KCNMA1: variants seen among roughly 807,000 people sequenced by gnomAD.
KCNMA1 encodes the protein Calcium-activated potassium channel subunit alpha-1.
Under a neutral mutation model 140.0 loss-of-function variants are expected in KCNMA1, and 29 were observed. The observed-to-expected ratio is 0.21, with a 90% CI of 0.15 to 0.28. The LOEUF is 0.28. Ranked by LOEUF, KCNMA1 falls within the 10% of genes least tolerant of loss-of-function variation. The pLI is 1.00. For synonymous variants in KCNMA1, 612 were observed against 611.9 expected, an observed-to-expected ratio of 1.00 and a Z score of 0.00; for missense variants, 880 against 1,602.2, an observed-to-expected ratio of 0.55 and a Z score of 7.70.
intron 1 of KCNMA1, among the ~76,000 whole-genome samples, chr10:77,611,568 A>G (rs1234903434): frequency 6.6e-6 from 1 of 152,226 alleles, no homozygotes; most frequent in Non-Finnish European, 1.5e-5. Context: ...TCACTGATTC[A>G]GCTACGTAAA....
At chr10:77,348,698 T>G (rs1006215598) in intron 2 of KCNMA1, among the ~76,000 whole-genome samples, 1 of 152,236 alleles carries the variant, frequency 6.6e-6, no homozygotes, top group Non-Finnish European at 1.5e-5. Context: ...CTGATAAGTA[T>G]GAAAAACAGA....
rs547107993 is a variant in KCNMA1 at position 77,576,064 on chromosome 10, A to G, written c.378+61201T>C. 2.0e-5 allele frequency among the ~76,000 whole-genome samples: 3 copies of G among 152,328 alleles called. No individual in the cohort carries two copies. The South Asian group carries it at 6.2e-4, about 32-fold the overall frequency. On this transcript the variant is annotated intron_variant, in intron 1 of 27. Transcript: ENST00000286628. ...CTCCTGGCTTGAGAAGCTCTGTTCT[A>G]GAATAGCACTCCTCAGTCTTCTGTG... is the stretch of plus-strand genomic sequence containing the variant.
chr10:76,998,713 AACTTG>A (rs1475641428), intron 19 of KCNMA1, among the ~76,000 whole-genome samples: 14 of 152,274 alleles, frequency 9.2e-5, no homozygotes, highest in Middle Eastern at 3.4e-3. Context: ...CTCTTGAGTC[AACTTG>A]CTCTGTCAAA....
chr10:77,561,613 A>T (rs1567557298), intron 1 of KCNMA1, among the ~76,000 whole-genome samples: 1 of 152,164 alleles, frequency 6.6e-6, no homozygotes, highest in Non-Finnish European at 1.5e-5. Flanking sequence ...CTCCACCCAG[A>T]AGCTCTCCAC....
chr10:77,293,834 C>T (rs2074116548), intron 2 of KCNMA1, among the ~76,000 whole-genome samples: 1 of 152,244 alleles, frequency 6.6e-6, no homozygotes, highest in Non-Finnish European at 1.5e-5. Flanking sequence ...CAAAATGCGA[C>T]TAATCTGGCA....
chr10:77,179,031 G>A (rs2098779541), intron 5 of KCNMA1, among the ~76,000 whole-genome samples: 1 of 152,148 alleles, frequency 6.6e-6, no homozygotes, highest in African/African-American at 2.4e-5. Flanking sequence ...GTTTTCTCCT[G>A]CGGTGCTTTA....
downstream of KCNMA1, among the ~76,000 whole-genome samples, chr10:76,881,503 C>T (rs982905436): frequency 6.6e-6 from 1 of 152,176 alleles, no homozygotes; most frequent in Admixed American, 6.5e-5. Context: ...CTCTCAGATT[C>T]TGTGTCTTTC....
intron 2 of KCNMA1, among the ~76,000 whole-genome samples, chr10:77,353,198 G>A (rs982880918): frequency 2.6e-5 from 4 of 152,098 alleles, no homozygotes; most frequent in Non-Finnish European, 2.9e-5. Context: ...CCCTGGACTG[G>A]GAAGCTCCTC....
At chr10:77,057,247 A>ATTT (rs2095573449) in intron 14 of KCNMA1, among the ~76,000 whole-genome samples, 1 of 152,194 alleles carries the variant, frequency 6.6e-6, no homozygotes, top group Non-Finnish European at 1.5e-5. Context: ...ATCAGAAACA[A>ATTT]TGGAGGCAAG....
intron 2 of KCNMA1, among the ~76,000 whole-genome samples, chr10:77,400,286 G>A (rs766511351): frequency 1.2e-4 from 18 of 152,228 alleles, no homozygotes; most frequent in Non-Finnish European, 2.1e-4. Context: ...TGCTTTCTGT[G>A]CAGCAGGTCC....
intron 2 of KCNMA1, chr10:77,313,880 A>G (rs994390887): frequency 6.6e-6 from 1 of 152,212 alleles, no homozygotes; most frequent in East Asian, 1.9e-4. Context: ...TTGGACTCAC[A>G]GGATTTGGGG....
chr10:77,186,777 A>ATGTGTGTGTG (rs10594438), intron 3 of KCNMA1, among the ~76,000 whole-genome samples: 16 of 145,212 alleles, frequency 1.1e-4, no homozygotes, highest in Middle Eastern at 3.5e-3. Flanking sequence ...TAAAGAGTAA[A>ATGTGTGTGTG]TGTGTGTGTG....
At chr10:77,206,040 C>T (rs1441106452) in intron 3 of KCNMA1, among the ~76,000 whole-genome samples, 1 of 152,132 alleles carries the variant, frequency 6.6e-6, no homozygotes. Flanking sequence ...GACAACATGA[C>T]AGTATGGTGT....
intron 14 of KCNMA1, among the ~76,000 whole-genome samples, chr10:77,052,278 G>A (rs144540877): frequency 2.3e-3 from 349 of 152,204 alleles, no homozygotes; most frequent in African/African-American, 6.1e-3. Flanking sequence ...CTTTCCTAAC[G>A]GCCAGTAAGT....
intron 1 of KCNMA1, among the ~76,000 whole-genome samples, chr10:77,445,565 T>C (rs2097512621): frequency 1.3e-5 from 2 of 152,126 alleles, no homozygotes; most frequent in African/African-American, 2.4e-5. Context: ...TGTAGAGTAA[T>C]TGTTATTTTA....
intron 19 of KCNMA1, among the ~76,000 whole-genome samples, chr10:76,987,902 C>G (rs149652164): frequency 5.3e-5 from 8 of 152,148 alleles, no homozygotes; most frequent in Non-Finnish European, 8.8e-5. Flanking sequence ...AATGGGATAA[C>G]ATGACAAAGT....
At chr10:77,492,640 G>A (rs1175755410) in intron 1 of KCNMA1, among the ~76,000 whole-genome samples, 1 of 152,196 alleles carries the variant, frequency 6.6e-6, no homozygotes, top group African/African-American at 2.4e-5. Context: ...AGAGCCTCAC[G>A]GTCTAGGTCT....
intron 1 of KCNMA1, among the ~76,000 whole-genome samples, chr10:77,449,098 T>G (rs946180452): frequency 6.9e-6 from 1 of 145,392 alleles, no homozygotes; most frequent in African/African-American, 2.5e-5. Flanking sequence ...AAAAAAAAAT[T>G]ACAAACAGCC....
intron 1 of KCNMA1, among the ~76,000 whole-genome samples, chr10:77,540,182 C>A (rs1226800804): frequency 4.6e-5 from 7 of 152,208 alleles, no homozygotes; most frequent in African/African-American, 1.7e-4. Flanking sequence ...CACATCCACA[C>A]TCAGTCCCCA....
Sources: allele counts gnomAD v4.1 joint callset (sites outside exome capture counted in the v4.1 genomes callset), GRCh38; gene constraint gnomAD v4.1.1; transcripts MANE v1.5; gene names NCBI Gene and HGNC (gene_info 2026-07-23, HGNC 2026-07-21).